Variants in UBE2E2 observed in about 807,000 individuals in gnomAD.
UBE2E2 encodes the protein ubiquitin conjugating enzyme E2 E2.
Under a neutral mutation model 24.7 loss-of-function variants are expected in UBE2E2, and 6 were observed. The ratio of observed to expected loss-of-function variants is 0.24; its 90% CI spans 0.13 to 0.48. The LOEUF is 0.48. Among genes scored for constraint, UBE2E2 ranks in the 20% least tolerant of loss-of-function variants. The pLI is 0.99. For synonymous variants in UBE2E2, 104 were observed against 83.6 expected, an observed-to-expected ratio of 1.24 and a Z score of -1.33; for missense variants, 169 against 245.0, an observed-to-expected ratio of 0.69 and a Z score of 2.07.
chr3:23,527,412 G>A (rs1377600087), intron 4 of UBE2E2, among the ~76,000 whole-genome samples: 3 of 152,122 alleles, frequency 2.0e-5, no homozygotes, highest in East Asian at 1.9e-4. Flanking sequence ...ACAACCCTGC[G>A]ATATTGTGAT....
At chr3:23,214,967 G>C (rs998332729) in intron 2 of UBE2E2, among the ~76,000 whole-genome samples, 3 of 151,824 alleles carry the variant, frequency 2.0e-5, no homozygotes, top group Non-Finnish European at 4.4e-5. Context: ...AATATCTTTT[G>C]ATTCCCTGCT....
At chr3:23,439,078 A>G (rs1698241240) in intron 3 of UBE2E2, among the ~76,000 whole-genome samples, 1 of 152,222 alleles carries the variant, frequency 6.6e-6, no homozygotes, top group South Asian at 2.1e-4. Context: ...TAGAATGCAA[A>G]ATTTGGAACA....
intron 3 of UBE2E2, among the ~76,000 whole-genome samples, chr3:23,464,045 A>C (rs1005165365): frequency 2.0e-5 from 3 of 152,168 alleles, no homozygotes; most frequent in African/African-American, 7.2e-5. Context: ...TCTAATGGTC[A>C]TAAAACCCTG....
chr3:23,223,687 C>A (rs952790351), intron 3 of UBE2E2, among the ~76,000 whole-genome samples: 3 of 152,018 alleles, frequency 2.0e-5, no homozygotes, highest in Non-Finnish European at 4.4e-5. Context: ...TTGATGTAAT[C>A]CCAGTTGTAT....
intron 3 of UBE2E2, among the ~76,000 whole-genome samples, chr3:23,419,997 A>T (rs1295732206): frequency 1.3e-5 from 2 of 152,172 alleles, no homozygotes; most frequent in Admixed American, 1.3e-4. Flanking sequence ...GGCTGCTAAG[A>T]CTAGGCATGT....
At chr3:23,506,836 T>C (rs1236873195) in intron 4 of UBE2E2, among the ~76,000 whole-genome samples, 2 of 152,158 alleles carry the variant, frequency 1.3e-5, no homozygotes, top group African/African-American at 4.8e-5. Flanking sequence ...TTTCGCCATG[T>C]TGCCCAGGCT....
At chr3:23,455,804 G>A (rs2125420437) in intron 3 of UBE2E2, among the ~76,000 whole-genome samples, 1 of 152,316 alleles carries the variant, frequency 6.6e-6, no homozygotes, top group South Asian at 2.1e-4. Flanking sequence ...GTGGATGGCT[G>A]CTCACTGATC....
chr3:23,309,543 G>A (rs1048060775), intron 3 of UBE2E2, among the ~76,000 whole-genome samples: 2 of 152,110 alleles, frequency 1.3e-5, no homozygotes, highest in African/African-American at 2.4e-5. Flanking sequence ...TTGTGGGGTA[G>A]GAATTGAGGC....
chr3:23,459,733 C>T (rs1036140199), intron 3 of UBE2E2, among the ~76,000 whole-genome samples: 4 of 152,170 alleles, frequency 2.6e-5, no homozygotes, highest in Non-Finnish European at 2.9e-5. Context: ...AGAAGGTCCA[C>T]CAGCTGGTGT....
At position 23,572,079 on chromosome 3, in the gene UBE2E2, C is replaced by T. The variant is rs185620571; in HGVS notation, c.509-17655C>T. On this transcript the variant is annotated intron_variant, in intron 5 of 5. Transcript: ENST00000396703. The stretch of plus-strand genomic sequence containing the variant: ...CTGGTTATTGATTCTGAAGCAGTAG[C>T]ACATGTTGCTAGATTTAGGCAGTTT... Among the ~76,000 whole-genome samples the T allele has an allele frequency of 4.0e-4, 61 of 152,284 alleles. 1 individual carries two copies. Among genetic ancestry groups the T allele is most frequent in the Admixed American group, 2.4e-3 (37 of 15,298 alleles).
intron 3 of UBE2E2, among the ~76,000 whole-genome samples, chr3:23,262,339 G>A (rs1381287089): frequency 6.6e-6 from 1 of 151,920 alleles, no homozygotes; most frequent in Non-Finnish European, 1.5e-5. Flanking sequence ...GGACTGAAGT[G>A]GCGCGATCAT....
At chr3:23,289,641 C>G (rs1248580637) in intron 3 of UBE2E2, among the ~76,000 whole-genome samples, 5 of 152,186 alleles carry the variant, frequency 3.3e-5, no homozygotes, top group Non-Finnish European at 1.5e-5. Context: ...CTACATTTTA[C>G]ACATCTTTTC....
chr3:23,318,594 A>T (rs115872768), intron 3 of UBE2E2, among the ~76,000 whole-genome samples: 1 of 152,008 alleles, frequency 6.6e-6, no homozygotes, highest in African/African-American at 2.4e-5. Context: ...AGGCACGTCT[A>T]TGTGGTGGCA....
intron 3 of UBE2E2, among the ~76,000 whole-genome samples, chr3:23,296,509 C>G (rs902416480): frequency 6.6e-6 from 1 of 152,094 alleles, no homozygotes; most frequent in African/African-American, 2.4e-5. Context: ...CTTCCTGTGC[C>G]CATGTGTTCT....
intron 5 of UBE2E2, among the ~76,000 whole-genome samples, chr3:23,551,771 G>A (rs1271986284): frequency 1.3e-5 from 2 of 152,212 alleles, no homozygotes; most frequent in African/African-American, 4.8e-5. Flanking sequence ...ATGGTTTGCT[G>A]TAGCTGGTCC....
At chr3:23,271,233 T>TA in intron 3 of UBE2E2, 1 of 364,060 alleles carries the variant, frequency 2.7e-6, no homozygotes, top group South Asian at 2.1e-5. Context: ...CGGTGAGTGT[T>TA]ACAGTTCTTA....
intron 3 of UBE2E2, among the ~76,000 whole-genome samples, chr3:23,374,548 A>T (rs967100512): frequency 1.3e-5 from 2 of 152,214 alleles, no homozygotes; most frequent in Non-Finnish European, 2.9e-5. Context: ...TTAATCTAGG[A>T]CATAAAGCAT....
chr3:23,283,075 C>A (rs191465813), intron 3 of UBE2E2, among the ~76,000 whole-genome samples: 1 of 152,242 alleles, frequency 6.6e-6, no homozygotes, highest in African/African-American at 2.4e-5. Context: ...CTGTTCAGGA[C>A]AGCTAGAACA....
At chr3:23,287,210 T>C (rs182895263) in intron 3 of UBE2E2, among the ~76,000 whole-genome samples, 30 of 152,328 alleles carry the variant, frequency 2.0e-4, no homozygotes, top group African/African-American at 6.5e-4. Context: ...TCTGTTGGTA[T>C]TATGTATCAC....
Sources: allele counts gnomAD v4.1 joint callset (sites outside exome capture counted in the v4.1 genomes callset), GRCh38; gene constraint gnomAD v4.1.1; transcripts MANE v1.5; gene names NCBI Gene and HGNC (gene_info 2026-07-23, HGNC 2026-07-21).